PAPPA2: variants seen among roughly 807,000 people sequenced by gnomAD.
PAPPA2 encodes pappalysin-2.
In PAPPA2, 86 loss-of-function variants were observed where a neutral mutation model predicts 176.4. The ratio of observed to expected loss-of-function variants is 0.49; its 90% CI spans 0.41 to 0.58. PAPPA2 has a LOEUF of 0.58. Among genes scored for constraint, PAPPA2 ranks in the 20% least tolerant of loss-of-function variants. PAPPA2 has a pLI of 0.00. For synonymous variants in PAPPA2, 809 were observed against 852.2 expected (o/e 0.95, Z 0.88); for missense variants, 2,073 against 2,256.9 (o/e 0.92, Z 1.65).
chr1:176,760,737 G>A (rs1245424289), intron 14 of PAPPA2, among the ~76,000 whole-genome samples: 2 of 152,306 alleles, frequency 1.3e-5, no homozygotes, highest in African/African-American at 4.8e-5. Context: ...GGCAGGTTCT[G>A]TACAAGAGGA....
intron 3 of PAPPA2, among the ~76,000 whole-genome samples, chr1:176,623,116 C>T (rs931612372): frequency 6.6e-6 from 1 of 152,122 alleles, no homozygotes. Flanking sequence ...TTTGGAAAGA[C>T]ACATTCAGAC....
chr1:176,597,386 A>T (rs1654044276), intron 3 of PAPPA2, among the ~76,000 whole-genome samples: 1 of 152,242 alleles, frequency 6.6e-6, no homozygotes, highest in South Asian at 2.1e-4. Flanking sequence ...TCTTATTATT[A>T]AGGCTGACAG....
intron 3 of PAPPA2, among the ~76,000 whole-genome samples, chr1:176,623,928 C>T (rs1655858314): frequency 6.6e-6 from 1 of 151,466 alleles, no homozygotes; most frequent in South Asian, 2.1e-4. Flanking sequence ...ACAGCCTCTT[C>T]CTCCCAGGAT....
At chr1:176,489,161 A>G (rs1010885417) in intron 1 of PAPPA2, among the ~76,000 whole-genome samples, 2 of 152,184 alleles carry the variant, frequency 1.3e-5, no homozygotes, top group Non-Finnish European at 2.9e-5. Context: ...TTATGACACA[A>G]TAGTTAACAC....
intron 1 of PAPPA2, among the ~76,000 whole-genome samples, chr1:176,467,293 C>A (rs185928941): frequency 6.6e-6 from 1 of 152,268 alleles, no homozygotes; most frequent in East Asian, 1.9e-4. Flanking sequence ...TTGACAGAAA[C>A]GTTATGTGGC....
chr1:176,793,701 A>G (rs752249267), intron 20 of PAPPA2, 32 bp downstream of exon 20: 1 of 1,502,812 alleles, frequency 6.7e-7, no homozygotes, highest in Non-Finnish European at 9.1e-7. Flanking sequence ...TGTGCCAAAG[A>G]CATGAGTCTG....
chr1:176,624,482 G>T (rs1452674411), intron 3 of PAPPA2, among the ~76,000 whole-genome samples: 2 of 152,140 alleles, frequency 1.3e-5, no homozygotes, highest in African/African-American at 4.8e-5. Flanking sequence ...AATGCATGCC[G>T]ATTTTGTCAC....
intron 1 of PAPPA2, among the ~76,000 whole-genome samples, chr1:176,518,753 TC>T (rs1649058576): frequency 6.6e-6 from 1 of 152,172 alleles, no homozygotes; most frequent in African/African-American, 2.4e-5. Context: ...CTTGGTCCCA[TC>T]AGGCTGTGAG....
intron 5 of PAPPA2, chr1:176,691,059 C>T: frequency 1.0e-6 from 1 of 985,406 alleles, no homozygotes; most frequent in Middle Eastern, 5.2e-4. Context: ...AACTTGTCAT[C>T]TGGTCTTTCT....
intron 3 of PAPPA2, among the ~76,000 whole-genome samples, chr1:176,601,273 G>T (rs1654304709): frequency 6.6e-6 from 1 of 152,166 alleles, no homozygotes; most frequent in South Asian, 2.1e-4. Context: ...GGACTTTACA[G>T]CCTCCAGAAC....
At chr1:176,632,546 A>G (rs1176566772) in intron 3 of PAPPA2, among the ~76,000 whole-genome samples, 1 of 152,144 alleles carries the variant, frequency 6.6e-6, no homozygotes, top group Non-Finnish European at 1.5e-5. Context: ...ATAAAAAATA[A>G]AAAAGAAAGT....
chr1:176,567,176 T>G (rs1376620726), intron 2 of PAPPA2, among the ~76,000 whole-genome samples: 2 of 152,186 alleles, frequency 1.3e-5, no homozygotes, highest in African/African-American at 4.8e-5. Flanking sequence ...CCTTTTTGGA[T>G]TTTTTAAAGA....
intron 3 of PAPPA2, among the ~76,000 whole-genome samples, chr1:176,607,787 C>A (rs182537694): frequency 6.6e-6 from 1 of 152,284 alleles, no homozygotes; most frequent in East Asian, 1.9e-4. Flanking sequence ...GGCTAACCGG[C>A]TTTTATAACT....
rs200077529 is a variant in PAPPA2 at position 176,595,395 on chromosome 1, C to A, written c.1791C>A (p.Asp597Glu). The A allele has an allele frequency of 4.3e-6, 7 of 1,614,186 alleles. No individual in the cohort carries two copies. Among genetic ancestry groups the A allele is most frequent in the Non-Finnish European group, 5.9e-6 (7 of 1,180,032 alleles). The stretch of plus-strand genomic sequence containing the variant: ...GCAAGATTGGCAATGACCATTGTGA[C>A]CCCGAGTGTGAGCACCCACTCACAG... ...EPSKIGNDHC[D>E]PECEHPLTGY... The change falls in exon 3 of 23, where the codon GAC (aspartate) becomes GAA (glutamate). Residue 597 changes from aspartate to glutamate, a missense_variant. Asp to Glu is a conservative substitution (Grantham distance 45). Coordinates refer to ENST00000367662, the MANE Select transcript of PAPPA2 (RefSeq NM_020318.3).
chr1:176,777,174 A>G (rs892605438), intron 17 of PAPPA2, among the ~76,000 whole-genome samples: 2 of 152,198 alleles, frequency 1.3e-5, no homozygotes, highest in Non-Finnish European at 2.9e-5. Context: ...GAAGAGCAAC[A>G]CTTTGGTAAA....
intron 9 of PAPPA2, among the ~76,000 whole-genome samples, chr1:176,705,129 A>G (rs997003609): frequency 3.5e-4 from 53 of 152,200 alleles, no homozygotes; most frequent in African/African-American, 1.2e-3. Flanking sequence ...ACATTAAGGC[A>G]TAAAGTATTT....
intron 12 of PAPPA2, among the ~76,000 whole-genome samples, chr1:176,736,234 T>C (rs1467729128): frequency 6.6e-6 from 1 of 151,950 alleles, no homozygotes; most frequent in African/African-American, 2.4e-5. Flanking sequence ...GCATACAGCT[T>C]CCTACTGTCA....
At chr1:176,707,812 T>C (rs1660941782) in intron 10 of PAPPA2, among the ~76,000 whole-genome samples, 1 of 152,180 alleles carries the variant, frequency 6.6e-6, no homozygotes, top group South Asian at 2.1e-4. Context: ...TATTTTTTTC[T>C]GTTTTATTTG....
intron 21 of PAPPA2, among the ~76,000 whole-genome samples, chr1:176,802,057 A>C (rs1271104915): frequency 1.3e-5 from 2 of 152,138 alleles, no homozygotes; most frequent in South Asian, 4.1e-4. Flanking sequence ...CTGGGAGCCT[A>C]CTGGAAATGC....
Sources: gnomAD v4.1 joint callset for allele counts (sites outside exome capture counted in the v4.1 genomes callset) on GRCh38, gnomAD v4.1.1 for gene constraint, MANE v1.5 for transcripts, NCBI Gene and HGNC (gene_info 2026-07-23, HGNC 2026-07-21) for gene names.